The following DCC variants were observed in gnomAD, a reference collection of about 807,000 sequenced individuals.
The protein encoded by DCC is netrin receptor DCC.
Under a neutral mutation model 172.5 loss-of-function variants are expected in DCC, and 58 were observed. The observed-to-expected ratio is 0.34, with a 90% CI of 0.27 to 0.42. The LOEUF (loss-of-function observed/expected upper bound fraction) is 0.42. DCC is among the 10% of genes least tolerant of loss of function. The pLI, the probability that DCC is intolerant of heterozygous loss-of-function variation, is 1.00. For missense variants in DCC, 1,740 were observed against 1,791.0 expected (o/e 0.97, Z 0.51); for synonymous variants, 709 against 644.5 (o/e 1.10, Z -1.52).
intron 1 of DCC, among the ~76,000 whole-genome samples, chr18:52,373,923 C>A (rs112281557): frequency 0.022 from 2,865 of 132,846 alleles, 80 homozygotes; most frequent in East Asian, 0.093. Flanking sequence ...GACGGAGTCT[C>A]GCTCTGTCAT....
intron 7 of DCC, among the ~76,000 whole-genome samples, chr18:53,124,837 G>A (rs2043532248): frequency 1.3e-5 from 2 of 151,894 alleles, no homozygotes; most frequent in African/African-American, 4.8e-5. Flanking sequence ...GTGTGTGGTG[G>A]CACATGCCTG....
At chr18:52,544,605 T>C (rs2144710627) in intron 1 of DCC, among the ~76,000 whole-genome samples, 1 of 152,286 alleles carries the variant, frequency 6.6e-6, no homozygotes, top group African/African-American at 2.4e-5. Flanking sequence ...CTTGCTCTCC[T>C]CTGCTATTCC....
At chr18:52,602,225 T>C (rs562424279) in intron 1 of DCC, among the ~76,000 whole-genome samples, 2 of 152,222 alleles carry the variant, frequency 1.3e-5, no homozygotes, top group South Asian at 4.1e-4. Context: ...ACCAGAATGC[T>C]TTTGTAGGTA....
rs562006689 is a variant in DCC, at chr18:52,950,701, G to T, written c.985+25331G>T. ...GCACTTTGGGAGGCCGAGGGGGGTG[G>T]ATCACGAGGTCAGGAGATCGAGACC... On this transcript the variant is annotated intron_variant, in intron 5 of 28. Coordinates refer to ENST00000442544, the MANE Select transcript of DCC (RefSeq NM_005215.4). Among the ~76,000 whole-genome samples the T allele has an allele frequency of 3.3e-5, 5 of 151,674 alleles. No individual in the cohort carries two copies. In the South Asian group the frequency reaches 8.4e-4, roughly 25 times the overall value.
intron 5 of DCC, among the ~76,000 whole-genome samples, chr18:53,012,733 T>C (rs1403167858): frequency 1.3e-5 from 2 of 152,044 alleles, no homozygotes; most frequent in African/African-American, 4.8e-5. Flanking sequence ...TTAGAGGGTT[T>C]TTATCAGCAT....
At chr18:52,904,420 G>A (rs12963801) in intron 2 of DCC, among the ~76,000 whole-genome samples, 59,880 of 152,062 alleles carry the variant, frequency 0.39, 12,372 homozygotes, top group Non-Finnish European at 0.47. Flanking sequence ...CCTTCACTTA[G>A]GGAGGGAAAG....
At chr18:53,337,723 T>C (rs1478947845) in intron 14 of DCC, among the ~76,000 whole-genome samples, 1 of 152,234 alleles carries the variant, frequency 6.6e-6, no homozygotes, top group East Asian at 1.9e-4. Context: ...TAGAATCTTT[T>C]GAAAATGTTA....
chr18:52,791,892 G>A (rs2037778351), intron 2 of DCC, among the ~76,000 whole-genome samples: 1 of 152,116 alleles, frequency 6.6e-6, no homozygotes, highest in Admixed American at 6.5e-5. Context: ...TTAAAAGAAA[G>A]TAGGTATCAA....
At chr18:53,004,559 G>A (rs2041616500) in intron 5 of DCC, among the ~76,000 whole-genome samples, 1 of 152,142 alleles carries the variant, frequency 6.6e-6, no homozygotes, top group African/African-American at 2.4e-5. Flanking sequence ...CAGAATCAGA[G>A]ACCCCAGTGT....
rs375861531 is a variant in DCC, at chr18:52,387,832, T to C, written c.91+46954T>C. On this transcript the variant is annotated intron_variant, in intron 1 of 28. Coordinates refer to ENST00000442544, the MANE Select transcript of DCC (RefSeq NM_005215.4). ...ACATCCAAAAGAACTCTTTTTCTCT[T>C]TACATTTTGCTTTGGATAGGAAAAT... 4.5e-4 allele frequency among the ~76,000 whole-genome samples: 68 copies of C among 152,206 alleles called. 2 individuals carry two copies. The highest frequency in any genetic ancestry group is 1.6e-3 in the African/African-American group (66 of 41,522).
intron 12 of DCC, among the ~76,000 whole-genome samples, chr18:53,289,707 TA>T (rs1270556547): frequency 1.1e-4 from 16 of 152,266 alleles, no homozygotes; most frequent in African/African-American, 1.9e-4. Context: ...TTTTATTTTT[TA>T]AAACCAGCCA....
chr18:52,810,173 C>T (rs539854453), intron 2 of DCC, among the ~76,000 whole-genome samples: 1 of 152,154 alleles, frequency 6.6e-6, no homozygotes, highest in East Asian at 1.9e-4. Context: ...CTTAAGACAA[C>T]AGGAGCTAAT....
intron 2 of DCC, among the ~76,000 whole-genome samples, chr18:52,785,088 A>G (rs1163641819): frequency 2.0e-5 from 3 of 152,032 alleles, no homozygotes; most frequent in Non-Finnish European, 2.9e-5. Context: ...TACATAGTGC[A>G]CAGGGAAGAC....
intron 15 of DCC, among the ~76,000 whole-genome samples, chr18:53,367,668 C>T (rs2058020961): frequency 1.3e-5 from 2 of 152,098 alleles, no homozygotes; most frequent in Admixed American, 1.3e-4. Flanking sequence ...CATTAAATGA[C>T]ACCTGCCCAT....
intron 2 of DCC, among the ~76,000 whole-genome samples, chr18:52,883,348 T>TTGTGTGTGTG (rs758976846): frequency 4.7e-5 from 5 of 106,228 alleles, no homozygotes; most frequent in Non-Finnish European, 6.2e-5. Flanking sequence ...ATTTATTTAT[T>TTGTGTGTGTG]TATGTGTGTG....
At chr18:52,832,653 G>A (rs2038636846) in intron 2 of DCC, among the ~76,000 whole-genome samples, 1 of 152,108 alleles carries the variant, frequency 6.6e-6, no homozygotes, top group South Asian at 2.1e-4. Context: ...AAACAGACAT[G>A]AGATAGTTAT....
intron 19 of DCC, among the ~76,000 whole-genome samples, chr18:53,403,882 AG>A (rs1909477857): frequency 6.6e-6 from 1 of 152,242 alleles, no homozygotes; most frequent in African/African-American, 2.4e-5. Flanking sequence ...AATTCCAAAT[AG>A]GATTGAAATT....
At chr18:52,825,179 AAG>A (rs2038488313) in intron 2 of DCC, among the ~76,000 whole-genome samples, 1 of 152,170 alleles carries the variant, frequency 6.6e-6, no homozygotes, top group African/African-American at 2.4e-5. Flanking sequence ...TGATATGACA[AAG>A]AGAATGGATG....
intron 15 of DCC, among the ~76,000 whole-genome samples, chr18:53,383,852 T>G (rs1273073968): frequency 6.6e-6 from 1 of 152,106 alleles, no homozygotes; most frequent in Admixed American, 6.5e-5. Context: ...GAGGGGATGA[T>G]AGAATATCTC....
Sources: gnomAD v4.1 joint callset for allele counts (sites outside exome capture counted in the v4.1 genomes callset) on GRCh38, gnomAD v4.1.1 for gene constraint, MANE v1.5 for transcripts, NCBI Gene and HGNC (gene_info 2026-07-23, HGNC 2026-07-21) for gene names.